The following VGLL4 variants were observed in gnomAD, a reference collection of about 807,000 sequenced individuals.
The protein encoded by VGLL4 is transcription cofactor vestigial-like protein 4.
In VGLL4, 7 loss-of-function variants were observed where a neutral mutation model predicts 21.0. The ratio of observed to expected loss-of-function variants is 0.33; its 90% CI spans 0.19 to 0.63. The LOEUF (loss-of-function observed/expected upper bound fraction) is 0.63. VGLL4 is among the 20% of genes least tolerant of loss of function. VGLL4 has a pLI of 0.78. For synonymous variants in VGLL4, 222 were observed against 173.2 expected, an observed-to-expected ratio of 1.28 and a Z score of -2.21; for missense variants, 394 against 425.7, an observed-to-expected ratio of 0.93 and a Z score of 0.66.
At chr3:11,670,100 C>T (rs78000586) in intron 2 of VGLL4, among the ~76,000 whole-genome samples, 3,400 of 150,708 alleles carry the variant, frequency 0.023, 137 homozygotes, top group African/African-American at 0.079. Flanking sequence ...GTGCGGGGAA[C>T]ATGTCTGTTT....
At chr3:11,631,711 T>C (rs1352449304) in intron 1 of VGLL4, among the ~76,000 whole-genome samples, 1 of 152,204 alleles carries the variant, frequency 6.6e-6, no homozygotes, top group Non-Finnish European at 1.5e-5. Flanking sequence ...TCTAATTTTA[T>C]GTTTGACAAA....
At chr3:11,641,194 A>G (rs901065390) in intron 1 of VGLL4, among the ~76,000 whole-genome samples, 3 of 151,970 alleles carry the variant, frequency 2.0e-5, no homozygotes, top group Admixed American at 6.6e-5. Context: ...ACTAAGGAAT[A>G]TGGTATAATT....
intron 2 of VGLL4, among the ~76,000 whole-genome samples, chr3:11,678,493 G>C (rs565812906): frequency 2.0e-5 from 3 of 152,218 alleles, no homozygotes; most frequent in Non-Finnish European, 2.9e-5. Flanking sequence ...AACGCCACTC[G>C]TGGCAGCAAC....
intron 2 of VGLL4, among the ~76,000 whole-genome samples, chr3:11,590,121 C>G (rs928913286): frequency 2.0e-5 from 3 of 152,188 alleles, no homozygotes; most frequent in Non-Finnish European, 4.4e-5. Flanking sequence ...GGAACACTTC[C>G]GTTTCCCTTA....
chr3:11,640,309 T>A (rs1022355693), intron 1 of VGLL4, among the ~76,000 whole-genome samples: 1 of 151,956 alleles, frequency 6.6e-6, no homozygotes, highest in Non-Finnish European at 1.5e-5. Context: ...GCCAGTCTAG[T>A]AAGGTATTCT....
chr3:11,672,501 G>A (rs1401690140), intron 2 of VGLL4, among the ~76,000 whole-genome samples: 2 of 152,086 alleles, frequency 1.3e-5, no homozygotes, highest in African/African-American at 4.8e-5. Flanking sequence ...TTCCCCATGA[G>A]TCTTCCAGCA....
intron 2 of VGLL4, chr3:11,582,399 C>G (rs533002545): frequency 1.3e-6 from 2 of 1,546,914 alleles, no homozygotes; most frequent in East Asian, 4.9e-5. Flanking sequence ...GATGGGCGGG[C>G]GCTTGTCAGA....
chr3:11,661,884 G>A (rs2076044512), intron 2 of VGLL4, among the ~76,000 whole-genome samples: 1 of 152,202 alleles, frequency 6.6e-6, no homozygotes, highest in African/African-American at 2.4e-5. Context: ...AAAGTTCAGG[G>A]AAGAAATGAA....
chr3:11,601,173 G>A (rs115154629), intron 2 of VGLL4, among the ~76,000 whole-genome samples: 3 of 152,344 alleles, frequency 2.0e-5, no homozygotes, highest in Admixed American at 6.5e-5. Context: ...GTTTCAGCCC[G>A]TGTTTCACAA....
intron 2 of VGLL4, among the ~76,000 whole-genome samples, chr3:11,689,974 T>A (rs1185893045): frequency 6.6e-6 from 1 of 152,162 alleles, no homozygotes; most frequent in African/African-American, 2.4e-5. Context: ...CCCGCAGGGA[T>A]CTGACACTCT....
intron 2 of VGLL4, among the ~76,000 whole-genome samples, chr3:11,586,990 CAG>C (rs2074376087): frequency 7.4e-6 from 1 of 135,900 alleles, no homozygotes; most frequent in Non-Finnish European, 1.5e-5. Context: ...GCTTCTCACA[CAG>C]ACAACAAACT....
chr3:11,633,987 T>C (rs2075537751), intron 1 of VGLL4, among the ~76,000 whole-genome samples: 1 of 152,166 alleles, frequency 6.6e-6, no homozygotes, highest in South Asian at 2.1e-4. Flanking sequence ...GGAAAATTAA[T>C]GGAGACCTCG....
At chr3:11,681,258 C>A (rs1430622469) in intron 2 of VGLL4, among the ~76,000 whole-genome samples, 1 of 152,058 alleles carries the variant, frequency 6.6e-6, no homozygotes, top group Admixed American at 6.5e-5. Flanking sequence ...CCACCACGCC[C>A]GGCTAATTTT....
intron 1 of VGLL4, among the ~76,000 whole-genome samples, chr3:11,606,353 A>T (rs1357008692): frequency 6.6e-6 from 1 of 152,244 alleles, no homozygotes; most frequent in Admixed American, 6.5e-5. Context: ...TCAGCCATCA[A>T]GGAAATGCGA....
chr3:11,573,329 A>G (rs62248286), intron 2 of VGLL4, among the ~76,000 whole-genome samples: 5,337 of 54,690 alleles, frequency 0.098, 520 homozygotes, highest in Admixed American at 0.14. Context: ...GAAAGAAAGA[A>G]AGAAAGAAAG....
At chr3:11,573,307 GGAAGGAAGGAAGAAAGA>G (rs2073900711) in intron 2 of VGLL4, among the ~76,000 whole-genome samples, 1 of 19,962 alleles carries the variant, frequency 5.0e-5, no homozygotes, top group African/African-American at 4.4e-4. Context: ...AAGAAAGAAA[GGAAGGAAGGAAGAAAGA>G]AAGAAAGAAA....
intron 3 of VGLL4, among the ~76,000 whole-genome samples, chr3:11,561,415 G>A (rs1324388054): frequency 1.3e-5 from 2 of 152,194 alleles, no homozygotes; most frequent in East Asian, 1.9e-4. Context: ...CTGAGCTGGG[G>A]CGAATTGCCT....
At chr3:11,619,209 C>A (rs1007351262) in intron 1 of VGLL4, among the ~76,000 whole-genome samples, 1 of 152,216 alleles carries the variant, frequency 6.6e-6, no homozygotes, top group Non-Finnish European at 1.5e-5. Flanking sequence ...GAGCTGACAG[C>A]AAGCGATCAG....
At chr3:11,636,736 T>C (rs1441047488) in intron 1 of VGLL4, among the ~76,000 whole-genome samples, 1 of 152,182 alleles carries the variant, frequency 6.6e-6, no homozygotes, top group Non-Finnish European at 1.5e-5. Flanking sequence ...TTCTCCTAGT[T>C]TTCCATTACA....
Sources: allele counts gnomAD v4.1 joint callset (sites outside exome capture counted in the v4.1 genomes callset), GRCh38; gene constraint gnomAD v4.1.1; transcripts MANE v1.5; gene names NCBI Gene and HGNC (gene_info 2026-07-23, HGNC 2026-07-21).